TLX1: variants seen among roughly 807,000 people sequenced by gnomAD.
TLX1 encodes T-cell leukemia homeobox protein 1.
A neutral mutation model predicts 26.5 loss-of-function variants in TLX1; 6 were observed. The observed-to-expected ratio is 0.23, with a 90% CI of 0.12 to 0.45. TLX1 has a LOEUF of 0.45. Among genes scored for constraint, TLX1 ranks in the 20% least tolerant of loss-of-function variants. The pLI, the probability that TLX1 is intolerant of heterozygous loss-of-function variation, is 0.99. For missense variants in TLX1, 418 were observed against 482.6 expected, an observed-to-expected ratio of 0.87 and a Z score of 1.25; for synonymous variants, 217 against 219.7, an observed-to-expected ratio of 0.99 and a Z score of 0.11.
In TLX1 at chr10:101,136,898, G is replaced by A; in HGVS notation, c.978G>A (p.Ala326=). The change falls in exon 3 of 3, where the codon GCG becomes GCA. Residue 326 remains alanine (A), a synonymous_variant. Coordinates refer to ENST00000370196, the MANE Select transcript of TLX1 (RefSeq NM_005521.4). ...AAATCACTAGCGTCACGTCGGTGGCGTCGGCCTGCGAGTGAGCCTGCCCAT... is the reference window on the plus strand; with the variant it reads ...AAATCACTAGCGTCACGTCGGTGGCATCGGCCTGCGAGTGAGCCTGCCCAT... ...STKITSVTSV[A]SACE 3 of 1,613,552 alleles carry A rather than the reference G, an allele frequency of 1.9e-6. No individual in the cohort carries two copies. Among genetic ancestry groups the A allele is most frequent in the East Asian group, 2.2e-5 (1 of 44,868 alleles).
At position 101,131,487 on chromosome 10, in the gene TLX1, G is replaced by A; in HGVS notation, c.-55G>A. On this transcript the variant is annotated 5_prime_UTR_variant, in exon 1 of 3. Coordinates refer to ENST00000370196, the MANE Select transcript of TLX1 (RefSeq NM_005521.4). The stretch of plus-strand genomic sequence containing the variant: ...TCCCAGCCCCTGCTAGCTGCCCCCC[G>A]AGCCGAGCGCAGCGAGCGCCGCCGC... The A allele has an allele frequency of 7.3e-7, 1 of 1,361,786 alleles. No individual in the cohort carries two copies. The highest frequency in any genetic ancestry group is 9.5e-7 in the Non-Finnish European group (1 of 1,053,800). The allele number at this position is 1,361,786 out of a possible 1,614,324, so 84.4% of individuals were successfully genotyped here.
chr10:101,136,673 G>C lies in TLX1; in HGVS notation c.771-18G>C. On this transcript the variant is annotated intron_variant, in intron 2 of 2. Transcript: ENST00000370196. Reference sequence around the variant, plus strand: ...TGGGTCGGTGCTCCTGGCAGGTAACGGCTTGTTCCCGGTGCAGACGGCAGA... The same window carrying C: ...TGGGTCGGTGCTCCTGGCAGGTAACCGCTTGTTCCCGGTGCAGACGGCAGA... 1.2e-6 allele frequency: 2 copies of C among 1,612,588 alleles called. No individual in the cohort carries two copies. The highest frequency in any genetic ancestry group is 2.2e-5 in the South Asian group (2 of 91,090).
At position 101,131,594 on chromosome 10, in the gene TLX1, G is replaced by A; in HGVS notation, c.53G>A (p.Ser18Asn). Residue 18 changes from serine (S) to asparagine (N), a missense_variant, in exon 1 of 3, where the codon AGC becomes AAC. Ser to Asn is a conservative substitution (Grantham distance 46). Around this residue, in one of 3 missense-constraint regions of TLX1, gnomAD observed 322 missense variants for 344.6 expected, o/e 0.93. Transcript: ENST00000370196. Reference sequence around the variant, plus strand: ...CACCCGGGTCACGCAGAGCCCATTAGCTTCGGCATCGACCAGATCCTCAAC... The same window carrying A: ...CACCCGGGTCACGCAGAGCCCATTAACTTCGGCATCGACCAGATCCTCAAC... ...HLHPGHAEPISFGIDQILNSP... is the reference protein window; with the variant it reads ...HLHPGHAEPINFGIDQILNSP... 6.4e-7 allele frequency: 1 copy of A among 1,564,014 alleles called. No individual in the cohort carries two copies. Among genetic ancestry groups the A allele is most frequent in the Non-Finnish European group, 8.6e-7 (1 of 1,158,114 alleles).
intron 2 of TLX1, 125 bp downstream of exon 2, chr10:101,134,501 G>A (rs1590128904): frequency 2.7e-6 from 3 of 1,124,228 alleles, no homozygotes; most frequent in Middle Eastern, 2.7e-4. Flanking sequence ...TCGGAGGAGC[G>A]AGCTCCCGCT....
In TLX1 at chr10:101,136,546, G is replaced by A. The variant is rs549934585; in HGVS notation, c.771-145G>A. 8.3e-6 allele frequency: 11 copies of A among 1,318,950 alleles called. No homozygotes were observed. In the East Asian group the frequency reaches 2.4e-4, roughly 29 times the overall value. The allele number at this position is 1,318,950 out of a possible 1,614,324, so 81.7% of individuals were successfully genotyped here. A position where few individuals can be genotyped will look rare whatever the true frequency, so the allele number is the denominator to read the frequency against. Reference sequence around the variant, plus strand: ...GTCAGGACTCTCAAAAGAAGGGAACGCGTTATAGGGGCCCAAACTGGATTT... The same window carrying A: ...GTCAGGACTCTCAAAAGAAGGGAACACGTTATAGGGGCCCAAACTGGATTT... On this transcript the variant is annotated intron_variant, in intron 2 of 2. Transcript: ENST00000370196.
chr10:101,135,787 A>T (rs1940283145), intron 2 of TLX1, among the ~76,000 whole-genome samples: 1 of 152,246 alleles, frequency 6.6e-6, no homozygotes, highest in Admixed American at 6.5e-5. Context: ...AATTCCTTTA[A>T]TTCAGAGAGA....
chr10:101,134,062 C>G, intron 1 of TLX1, 113 bp from the exon 2 acceptor site: 1 of 1,007,844 alleles, frequency 9.9e-7, no homozygotes, highest in Non-Finnish European at 1.4e-6. Context: ...CGCTCGCTGA[C>G]TCGCGGGGTG....
chr10:101,132,044 A>G lies in TLX1; in HGVS notation c.503A>G (p.Asn168Ser). 2.0e-6 allele frequency: 3 copies of G among 1,515,154 alleles called. No homozygotes were observed. The highest frequency in any genetic ancestry group is 2.6e-6 in the Non-Finnish European group (3 of 1,138,656). 93.9% of individuals were successfully genotyped at this position (1,515,154 alleles called of 1,614,324 possible). A position where few individuals can be genotyped will look rare whatever the true frequency, so the allele number is the denominator to read the frequency against. The change falls in exon 1 of 3, where the codon AAC becomes AGC. Residue 168 changes from asparagine to serine, a missense_variant. Physicochemically the swap from Asn to Ser is conservative, Grantham distance 46. Around this residue, in one of 3 missense-constraint regions of TLX1, gnomAD observed 322 missense variants for 344.6 expected, o/e 0.93. Coordinates refer to ENST00000370196, the MANE Select transcript of TLX1 (RefSeq NM_005521.4). This position sits in a 1 kb window ranked among gnomAD's most constrained non-coding sequence, Gnocchi z 4.1. ...PSVPAMPGVN[N>S]LTGLTFPWME... The stretch of plus-strand genomic sequence containing the variant: ...GTGCCTGCCATGCCGGGCGTCAACA[A>G]CCTCACTGGCCTCACCTTCCCCTGG...
Position 101,137,446 on chromosome 10 carries a change from G to A in TLX1, c.*533G>A, listed in dbSNP as rs900918029. The A allele has an allele frequency of 1.6e-5, 4 of 246,912 alleles. No homozygotes were observed. Among genetic ancestry groups the A allele is most frequent in the East Asian group, 5.7e-5 (1 of 17,402 alleles). The allele number at this position is 246,912 out of a possible 1,614,324, so 15.3% of individuals were successfully genotyped here. A position where few individuals can be genotyped will look rare whatever the true frequency, so the allele number is the denominator to read the frequency against. On this transcript the variant is annotated 3_prime_UTR_variant, in exon 3 of 3. Coordinates refer to ENST00000370196, the MANE Select transcript of TLX1 (RefSeq NM_005521.4). ...ACAGTGTTTACACTTTGGACCTTAC[G>A]ATCAGGCACAGGTCAGGGGTGACAC...
chr10:101,133,904 C>T (rs1940231326), intron 1 of TLX1, among the ~76,000 whole-genome samples: 1 of 152,094 alleles, frequency 6.6e-6, no homozygotes, highest in Non-Finnish European at 1.5e-5. Context: ...TGGTTGGGCT[C>T]GCGGGAGCCC....
chr10:101,131,753 C>A lies in TLX1; in HGVS notation c.212C>A (p.Ala71Glu), dbSNP rs992155351. The A allele has an allele frequency of 1.6e-5, 23 of 1,419,180 alleles. No individual in the cohort carries two copies. The South Asian group carries it at 3.5e-4, about 22-fold the overall frequency. The allele number at this position is 1,419,180 out of a possible 1,614,324, so 87.9% of individuals were successfully genotyped here. A position where few individuals can be genotyped will look rare whatever the true frequency, so the allele number is the denominator to read the frequency against. Residue 71 changes from alanine (A) to glutamate (E), a missense_variant, in exon 1 of 3, where the codon GCG becomes GAG. Coordinates refer to ENST00000370196, the MANE Select transcript of TLX1 (RefSeq NM_005521.4). ...GCGGCCGCGACGGGGGCTGGAGGAG[C>A]GGGGGCCTATGGTACTGGAGGTCCC... ...GSAAATGAGGAGAYGTGGPGG... is the reference protein window; with the variant it reads ...GSAAATGAGGEGAYGTGGPGG...
In TLX1 at chr10:101,137,135, G is replaced by T; in HGVS notation, c.*222G>T. 2 of 597,826 alleles carry T rather than the reference G, an allele frequency of 3.3e-6. No homozygotes were observed. Among genetic ancestry groups the T allele is most frequent in the South Asian group, 4.1e-5 (2 of 48,314 alleles). 37.0% of individuals were successfully genotyped at this position (597,826 alleles called of 1,614,324 possible). On this transcript the variant is annotated 3_prime_UTR_variant, in exon 3 of 3. Transcript: ENST00000370196. ...CGCGCCCCCCTCCCAGAGGCGTCCC[G>T]CACCTGTCTGAACTGTTAAGAAATC... is the stretch of plus-strand genomic sequence containing the variant.
At chr10:101,133,241 A>C (rs770883158) in intron 1 of TLX1, among the ~76,000 whole-genome samples, 2 of 152,254 alleles carry the variant, frequency 1.3e-5, no homozygotes, top group Non-Finnish European at 2.9e-5. Flanking sequence ...AGGAGATTCC[A>C]AAGCACCCCT....
At chr10:101,136,264 T>C (rs760247950) in intron 2 of TLX1, among the ~76,000 whole-genome samples, 2 of 152,214 alleles carry the variant, frequency 1.3e-5, no homozygotes, top group African/African-American at 2.4e-5. Context: ...TCGTACCCGC[T>C]GGTCCTTGCC....
Position 101,132,130 on chromosome 10 carries a change from C to A in TLX1, c.568+21C>A. The A allele has an allele frequency of 7.5e-7, 1 of 1,333,304 alleles. No individual in the cohort carries two copies. Among genetic ancestry groups the A allele is most frequent in the East Asian group, 2.9e-5 (1 of 34,794 alleles). The allele number at this position is 1,333,304 out of a possible 1,614,324, so 82.6% of individuals were successfully genotyped here. ...CACAGGTGAGTCCGGCCCGCGCGCTCCCCGCCTGGCCGCGGCCCGGGCTCC... is the reference window on the plus strand; with the variant it reads ...CACAGGTGAGTCCGGCCCGCGCGCTACCCGCCTGGCCGCGGCCCGGGCTCC... On this transcript the variant is annotated intron_variant, in intron 1 of 2. Transcript: ENST00000370196. This position sits in a 1 kb window ranked among gnomAD's most constrained non-coding sequence, Gnocchi z 4.1.
In TLX1 at chr10:101,131,656, C is replaced by A. The variant is rs759053139; in HGVS notation, c.115C>A (p.Arg39Ser). The A allele has an allele frequency of 6.4e-7, 1 of 1,564,346 alleles. No homozygotes were observed. Among genetic ancestry groups the A allele is most frequent in the South Asian group, 1.2e-5 (1 of 85,508 alleles). The change falls in exon 1 of 3, where the codon CGC (arginine) becomes AGC (serine). Residue 39 changes from arginine to serine, a missense_variant. Physicochemically the swap from Arg to Ser is moderately radical, Grantham distance 110 (BLOSUM62 -1). Coordinates refer to ENST00000370196, the MANE Select transcript of TLX1 (RefSeq NM_005521.4). ...GGGTGGCTGCATGGGACCCGCCTCGCGCCTCCAGGACGGAGAATACGGCCT... is the reference window on the plus strand; with the variant it reads ...GGGTGGCTGCATGGGACCCGCCTCGAGCCTCCAGGACGGAGAATACGGCCT... ...DQGGCMGPASRLQDGEYGLGC... is the reference protein window; with the variant it reads ...DQGGCMGPASSLQDGEYGLGC...
chr10:101,133,509 C>G (rs1422836833), intron 1 of TLX1, among the ~76,000 whole-genome samples: 1 of 152,234 alleles, frequency 6.6e-6, no homozygotes, highest in Non-Finnish European at 1.5e-5. Flanking sequence ...TTGAAGGGCC[C>G]TGCTGGAAAC....
rs1281113166 is a variant in TLX1 at position 101,131,777 on chromosome 10, C to T, written c.236C>T (p.Pro79Leu). 1 of 1,388,046 alleles carries T rather than the reference C, an allele frequency of 7.2e-7. No homozygotes were observed. The highest frequency in any genetic ancestry group is 3.0e-5 in the East Asian group (1 of 32,838). The allele number at this position is 1,388,046 out of a possible 1,614,324, so 86.0% of individuals were successfully genotyped here. ...GGAGAYGTGG[P>L]GGPGGPAGGG... Reference sequence around the variant, plus strand: ...GCGGGGGCCTATGGTACTGGAGGTCCCGGCGGCCCCGGAGGCCCGGCAGGC... The same window carrying T: ...GCGGGGGCCTATGGTACTGGAGGTCTCGGCGGCCCCGGAGGCCCGGCAGGC... The change falls in exon 1 of 3, where the codon CCC (proline) becomes CTC (leucine). Residue 79 changes from proline to leucine, a missense_variant. Physicochemically the swap from Pro to Leu is moderately conservative, Grantham distance 98 (BLOSUM62 -3). Coordinates refer to ENST00000370196, the MANE Select transcript of TLX1 (RefSeq NM_005521.4).
chr10:101,137,604 C>T lies in TLX1; in HGVS notation c.*691C>T, dbSNP rs958893152. The T allele has an allele frequency of 1.3e-5, 3 of 234,302 alleles. No individual in the cohort carries two copies. Among genetic ancestry groups the T allele is most frequent in the Admixed American group, 5.6e-5 (1 of 17,822 alleles). The allele number at this position is 234,302 out of a possible 1,614,324, so 14.5% of individuals were successfully genotyped here. A position where few individuals can be genotyped will look rare whatever the true frequency, so the allele number is the denominator to read the frequency against. On this transcript the variant is annotated 3_prime_UTR_variant, in exon 3 of 3. Transcript: ENST00000370196. ...CTTGGTCTGCCAGGCCCCCACCACACATCCCAGCCCAATCCAGGTACGCAC... is the reference window on the plus strand; with the variant it reads ...CTTGGTCTGCCAGGCCCCCACCACATATCCCAGCCCAATCCAGGTACGCAC...
Sources: gnomAD v4.1 joint callset for allele counts (sites outside exome capture counted in the v4.1 genomes callset) on GRCh38, gnomAD v4.1.1 for gene constraint, gnomAD v4.1.1 regional missense constraint, Gnocchi (gnomAD v3.1) non-coding constraint, MANE v1.5 for transcripts, NCBI Gene and HGNC (gene_info 2026-07-23, HGNC 2026-07-21) for gene names.